Variants in TGFB2 observed in about 807,000 individuals in gnomAD.
TGFB2 encodes the protein transforming growth factor beta-2 proprotein.
TGFB2 carries 13 observed loss-of-function variants against 42.7 expected under a neutral mutation model. The ratio of observed to expected loss-of-function variants is 0.30; its 90% confidence interval spans 0.20 to 0.48. TGFB2 has a LOEUF of 0.48. Ranked by LOEUF, TGFB2 falls within the 20% of genes least tolerant of loss-of-function variation. The pLI is 0.99. For synonymous variants in TGFB2, 193 were observed against 193.6 expected (o/e 1.00, Z 0.03); for missense variants, 390 against 517.5 (o/e 0.75, Z 2.39).
intron 1 of TGFB2, among the ~76,000 whole-genome samples, chr1:218,376,277 A>G (rs908709466): frequency 5.9e-5 from 9 of 152,238 alleles, no homozygotes; most frequent in Non-Finnish European, 8.8e-5. Context: ...ATGAAAGGAC[A>G]ATGTGTGTTA....
At chr1:218,402,054 G>A (rs1658739726) in intron 1 of TGFB2, among the ~76,000 whole-genome samples, 1 of 152,246 alleles carries the variant, frequency 6.6e-6, no homozygotes, top group Admixed American at 6.5e-5. Flanking sequence ...ACCCCTGGAA[G>A]GGGTAGTTGG....
At chr1:218,410,237 A>G (rs959447859) in intron 2 of TGFB2, among the ~76,000 whole-genome samples, 3 of 152,336 alleles carry the variant, frequency 2.0e-5, no homozygotes, top group African/African-American at 7.2e-5. Flanking sequence ...TAGAGTCACA[A>G]TATGAGGCTG....
intron 2 of TGFB2, among the ~76,000 whole-genome samples, chr1:218,412,780 G>A (rs537854547): frequency 6.6e-6 from 1 of 152,306 alleles, no homozygotes; most frequent in South Asian, 2.1e-4. Flanking sequence ...AGTGGGAAGA[G>A]CTCTCTCCTA....
intron 1 of TGFB2, among the ~76,000 whole-genome samples, chr1:218,368,724 G>C (rs557808120): frequency 6.6e-6 from 1 of 152,264 alleles, no homozygotes; most frequent in East Asian, 1.9e-4. Context: ...GGATGTTAGA[G>C]AGTAATCTGG....
intron 1 of TGFB2, among the ~76,000 whole-genome samples, chr1:218,399,661 T>C (rs1183885065): frequency 6.6e-6 from 1 of 152,120 alleles, no homozygotes; most frequent in Non-Finnish European, 1.5e-5. Context: ...TGTGAGAACT[T>C]TGGGGACTGG....
chr1:218,372,412 G>A (rs1178914109), intron 1 of TGFB2, among the ~76,000 whole-genome samples: 1 of 152,174 alleles, frequency 6.6e-6, no homozygotes, highest in Admixed American at 6.5e-5. Flanking sequence ...GGCAGCAGGG[G>A]TTGCTTCTCT....
chr1:218,378,302 G>C (rs370742343), intron 1 of TGFB2, among the ~76,000 whole-genome samples: 1 of 152,218 alleles, frequency 6.6e-6, no homozygotes, highest in South Asian at 2.1e-4. Context: ...TCAGCCTCTC[G>C]AGTAGTTGGG....
rs191079088 is a variant in TGFB2 at position 218,375,748 on chromosome 1, T to C, written c.346+28701T>C. Among the ~76,000 whole-genome samples, 438 of 152,228 alleles carry C rather than the reference T, an allele frequency of 2.9e-3. 1 individual carries two copies. Among genetic ancestry groups the C allele is most frequent in the Non-Finnish European group, 4.2e-3 (284 of 68,012 alleles). ...TGTGAGAGGAAGATAATATTGGAGA[T>C]AGTATTTTAAAATACGGGATATTGA... On this transcript the variant is annotated intron_variant, in intron 1 of 6. Coordinates refer to ENST00000366930, the MANE Select transcript of TGFB2 (RefSeq NM_003238.6).
chr1:218,364,206 T>C (rs1657311283), intron 1 of TGFB2, among the ~76,000 whole-genome samples: 1 of 152,198 alleles, frequency 6.6e-6, no homozygotes, highest in South Asian at 2.1e-4. Context: ...TGGATCGTCA[T>C]GGGTCAGGCC....
At chr1:218,370,060 A>C (rs931906094) in intron 1 of TGFB2, among the ~76,000 whole-genome samples, 3 of 152,342 alleles carry the variant, frequency 2.0e-5, no homozygotes, top group African/African-American at 7.2e-5. Context: ...AAAACTGCAT[A>C]GATCCTGTCC....
intron 1 of TGFB2, among the ~76,000 whole-genome samples, chr1:218,368,646 G>A (rs1657468949): frequency 6.6e-6 from 1 of 152,202 alleles, no homozygotes; most frequent in African/African-American, 2.4e-5. Flanking sequence ...GATGTGAGGT[G>A]TAATTTTATA....
At chr1:218,403,090 GC>G (rs2102592504) in intron 1 of TGFB2, among the ~76,000 whole-genome samples, 1 of 152,372 alleles carries the variant, frequency 6.6e-6, no homozygotes, top group East Asian at 1.9e-4. Context: ...GTGCACCAGT[GC>G]CCCCTGGCCT....
chr1:218,356,063 G>T lies in TGFB2; in HGVS notation c.346+9016G>T, dbSNP rs191070912. Among the ~76,000 whole-genome samples, 702 of 152,292 alleles carry T rather than the reference G, an allele frequency of 4.6e-3. 4 individuals are homozygous for T. Among genetic ancestry groups the T allele is most frequent in the Non-Finnish European group, 8.5e-3 (579 of 68,028 alleles). ...CCCTCAGAAACGTTTTCTAGTTAAT[G>T]AATGTTAGGAGCCCATCTGTGGAAT... On this transcript the variant is annotated intron_variant, in intron 1 of 6. Transcript: ENST00000366930.
intron 1 of TGFB2, among the ~76,000 whole-genome samples, chr1:218,397,888 G>A (rs1658577222): frequency 6.6e-6 from 1 of 152,148 alleles, no homozygotes. Flanking sequence ...AAACCTCCAG[G>A]CCACTACCAA....
At chr1:218,351,424 C>CT (rs1467651706) in intron 1 of TGFB2, among the ~76,000 whole-genome samples, 1 of 152,136 alleles carries the variant, frequency 6.6e-6, no homozygotes, top group African/African-American at 2.4e-5. Flanking sequence ...TTAATTCTCC[C>CT]TTTTTTATTG....
intron 6 of TGFB2, among the ~76,000 whole-genome samples, chr1:218,437,815 TTTTC>T (rs1397692405): frequency 6.6e-6 from 1 of 152,184 alleles, no homozygotes; most frequent in African/African-American, 2.4e-5. Flanking sequence ...TTGTTTACTT[TTTTC>T]TTTATTTTAT....
intron 1 of TGFB2, among the ~76,000 whole-genome samples, chr1:218,368,108 G>A (rs1193014102): frequency 6.9e-6 from 1 of 145,338 alleles, no homozygotes; most frequent in Non-Finnish European, 1.5e-5. Flanking sequence ...GCTGAAGAGA[G>A]GACATTCTTA....
chr1:218,413,121 C>T (rs1037677534), intron 2 of TGFB2, among the ~76,000 whole-genome samples: 5 of 152,198 alleles, frequency 3.3e-5, no homozygotes, highest in African/African-American at 1.2e-4. Flanking sequence ...CCTATAATCC[C>T]AGCACTTTGG....
chr1:218,388,606 A>G (rs979958795), intron 1 of TGFB2, among the ~76,000 whole-genome samples: 2 of 152,138 alleles, frequency 1.3e-5, no homozygotes, highest in East Asian at 3.9e-4. Flanking sequence ...TCATTCCCAA[A>G]GTACCATTTC....
Sources: gnomAD v4.1 joint callset for allele counts (sites outside exome capture counted in the v4.1 genomes callset) on GRCh38, gnomAD v4.1.1 for gene constraint, MANE v1.5 for transcripts, NCBI Gene and HGNC (gene_info 2026-07-23, HGNC 2026-07-21) for gene names.